Variants in GRM8 observed in about 807,000 individuals in gnomAD.
The protein encoded by GRM8 is metabotropic glutamate receptor 8.
Under a neutral mutation model 87.2 loss-of-function variants are expected in GRM8, and 47 were observed. The ratio of observed to expected loss-of-function variants is 0.54; its 90% CI spans 0.43 to 0.69. The LOEUF is 0.69. GRM8 is among the 30% of genes least tolerant of loss of function. The pLI is 0.00. For missense variants in GRM8, 1,019 were observed against 1,139.2 expected, an observed-to-expected ratio of 0.89 and a Z score of 1.52; for synonymous variants, 396 against 404.5, an observed-to-expected ratio of 0.98 and a Z score of 0.25.
At chr7:127,200,172 C>A (rs143977242) in intron 2 of GRM8, among the ~76,000 whole-genome samples, 2 of 152,274 alleles carry the variant, frequency 1.3e-5, no homozygotes, top group East Asian at 1.9e-4. Flanking sequence ...CCCACACATA[C>A]CTTTTCTGGT....
In GRM8 at chr7:127,106,516, G is replaced by A; in HGVS notation, c.707C>T (p.Thr236Ile). ...NYGESGVEAF[T>I]QISREIGGVC... ...CTTACCAATCTCCCTCGAGATCTGG[G>A]TGAAGGCCTCCACACCGCTCTCACC... The change falls in exon 3 of 11, where the codon ACC (threonine) becomes ATC (isoleucine). Residue 236 changes from threonine to isoleucine, a missense_variant. Thr to Ile is a moderately conservative substitution (Grantham distance 89, BLOSUM62 -1). Transcript: ENST00000339582. 3 of 1,613,526 alleles carry A rather than the reference G, an allele frequency of 1.9e-6. No individual in the cohort carries two copies. Among genetic ancestry groups the A allele is most frequent in the Non-Finnish European group, 1.7e-6 (2 of 1,179,560 alleles).
At chr7:127,093,286 A>G (rs1824333328) in intron 3 of GRM8, among the ~76,000 whole-genome samples, 1 of 152,206 alleles carries the variant, frequency 6.6e-6, no homozygotes, top group Non-Finnish European at 1.5e-5. Flanking sequence ...CTCATTCAGC[A>G]TCATATCCCT....
chr7:126,587,192 G>A (rs1473092852), intron 8 of GRM8, among the ~76,000 whole-genome samples: 1 of 152,194 alleles, frequency 6.6e-6, no homozygotes, highest in South Asian at 2.1e-4. Flanking sequence ...TGATGGAGAG[G>A]ATGTGGAGAA....
chr7:126,913,653 A>G (rs1293526414), intron 3 of GRM8, among the ~76,000 whole-genome samples: 9 of 152,238 alleles, frequency 5.9e-5, no homozygotes, highest in African/African-American at 1.9e-4. Flanking sequence ...TTCTGAAGAC[A>G]TAAGTGAACT....
At chr7:127,046,380 T>A (rs1317683619) in intron 3 of GRM8, among the ~76,000 whole-genome samples, 2 of 148,964 alleles carry the variant, frequency 1.3e-5, no homozygotes, top group African/African-American at 2.5e-5. Context: ...TCAAAAAAAA[T>A]AAAAAATAAA....
chr7:126,525,885 T>G (rs1813742710), intron 9 of GRM8, among the ~76,000 whole-genome samples: 1 of 152,200 alleles, frequency 6.6e-6, no homozygotes, highest in African/African-American at 2.4e-5. Flanking sequence ...CCAGATTAAA[T>G]TTCTTTTTAC....
chr7:127,038,187 T>C (rs995044333), intron 3 of GRM8, among the ~76,000 whole-genome samples: 16 of 152,188 alleles, frequency 1.1e-4, no homozygotes, highest in African/African-American at 3.6e-4. Flanking sequence ...ATACTCCTTT[T>C]GTTTTTCCCT....
At chr7:126,648,090 A>C (rs1803373762) in intron 7 of GRM8, among the ~76,000 whole-genome samples, 1 of 152,042 alleles carries the variant, frequency 6.6e-6, no homozygotes, top group African/African-American at 2.4e-5. Context: ...TAAAACCGAT[A>C]GGCTTTTCTG....
At chr7:127,098,994 T>C (rs1355144257) in intron 3 of GRM8, among the ~76,000 whole-genome samples, 1 of 152,204 alleles carries the variant, frequency 6.6e-6, no homozygotes, top group African/African-American at 2.4e-5. Context: ...TTTAGCTTCC[T>C]TGCCCCTTAT....
intron 7 of GRM8, among the ~76,000 whole-genome samples, chr7:126,766,121 C>G (rs1335974328): frequency 6.6e-6 from 1 of 152,116 alleles, no homozygotes; most frequent in Admixed American, 6.6e-5. Context: ...TTAAATGATA[C>G]ACTGGAAGAA....
chr7:127,214,295 C>T (rs1796388932), intron 2 of GRM8, among the ~76,000 whole-genome samples: 1 of 152,116 alleles, frequency 6.6e-6, no homozygotes, highest in Non-Finnish European at 1.5e-5. Context: ...TGTTCTGTTC[C>T]TTGATCTGAA....
chr7:127,122,484 G>A (rs1827141516), intron 2 of GRM8, among the ~76,000 whole-genome samples: 1 of 150,512 alleles, frequency 6.6e-6, no homozygotes, highest in South Asian at 2.1e-4. Flanking sequence ...AAAAAAAATG[G>A]AAAAAGAAAA....
chr7:126,492,224 T>C (rs1454569306), intron 9 of GRM8, among the ~76,000 whole-genome samples: 1 of 151,910 alleles, frequency 6.6e-6, no homozygotes, highest in Non-Finnish European at 1.5e-5. Flanking sequence ...ATAATTTTTG[T>C]ATCTTTTTTA....
At chr7:126,929,702 G>A (rs1226836862) in intron 3 of GRM8, among the ~76,000 whole-genome samples, 6 of 140,682 alleles carry the variant, frequency 4.3e-5, no homozygotes, top group African/African-American at 1.6e-4. Context: ...CCAAAGTGCT[G>A]GGATTACAGG....
chr7:126,688,519 G>T (rs1380533199), intron 7 of GRM8, among the ~76,000 whole-genome samples: 1 of 152,124 alleles, frequency 6.6e-6, no homozygotes, highest in Non-Finnish European at 1.5e-5. Flanking sequence ...ATTCCCAGTG[G>T]TTTATAAAAA....
chr7:127,124,503 G>T (rs1238190517), intron 2 of GRM8, among the ~76,000 whole-genome samples: 1 of 152,034 alleles, frequency 6.6e-6, no homozygotes, highest in Non-Finnish European at 1.5e-5. Context: ...GGTTCCCTGA[G>T]GCCTGACCTG....
chr7:127,243,277 G>A lies in GRM8; in HGVS notation c.-73C>T. 7.3e-7 allele frequency: 1 copy of A among 1,365,792 alleles called. No individual in the cohort carries two copies. The highest frequency in any genetic ancestry group is 1.0e-6 in the Non-Finnish European group (1 of 1,000,664). 84.6% of individuals were successfully genotyped at this position (1,365,792 alleles called of 1,614,324 possible). On this transcript the variant is annotated 5_prime_UTR_variant, in exon 2 of 11. Coordinates refer to ENST00000339582, the MANE Select transcript of GRM8 (RefSeq NM_000845.3). ...CCACAGAAGAAAGGGCACCACCTGA[G>A]GCTGCACCTTCTGGAGGCTACCATC...
At chr7:126,595,902 CA>C (rs1670036781) in intron 8 of GRM8, among the ~76,000 whole-genome samples, 1 of 152,116 alleles carries the variant, frequency 6.6e-6, no homozygotes, top group African/African-American at 2.4e-5. Flanking sequence ...TTTGGGCAGC[CA>C]AAGCAGCCAG....
chr7:126,568,420 G>T (rs553089772), intron 8 of GRM8, among the ~76,000 whole-genome samples: 1 of 152,056 alleles, frequency 6.6e-6, no homozygotes, highest in Non-Finnish European at 1.5e-5. Context: ...TTAAAACTAA[G>T]TTATTTAGGG....
Sources: allele counts gnomAD v4.1 joint callset (sites outside exome capture counted in the v4.1 genomes callset), GRCh38; gene constraint gnomAD v4.1.1; transcripts MANE v1.5; gene names NCBI Gene and HGNC (gene_info 2026-07-23, HGNC 2026-07-21).